Variants in LCMT1 observed in about 807,000 individuals in gnomAD.
LCMT1 encodes the protein leucine carboxyl methyltransferase 1, also known as [Phosphatase 2A protein]-leucine-carboxy methyltransferase 1.
In LCMT1, 32 loss-of-function variants were observed where a neutral mutation model predicts 47.7. The ratio of observed to expected loss-of-function variants is 0.67; its 90% CI spans 0.51 to 0.90. The LOEUF is 0.90. Ranked by LOEUF, LCMT1 falls within the 40% of genes least tolerant of loss-of-function variation. The pLI is 0.00. For synonymous variants in LCMT1, 152 were observed against 149.7 expected, an observed-to-expected ratio of 1.02 and a Z score of -0.11; for missense variants, 375 against 415.2, an observed-to-expected ratio of 0.90 and a Z score of 0.84.
chr16:25,112,545 G>T (rs966748450), intron 1 of LCMT1, among the ~76,000 whole-genome samples: 10 of 152,190 alleles, frequency 6.6e-5, no homozygotes, highest in Admixed American at 1.3e-4. Context: ...AGAGGTACGT[G>T]TCAGAGAAAG....
intron 8 of LCMT1, among the ~76,000 whole-genome samples, chr16:25,169,764 T>TA (rs1030260930): frequency 1.1e-4 from 17 of 152,116 alleles, no homozygotes; most frequent in African/African-American, 4.1e-4. Context: ...AACCTTTTTT[T>TA]TATAGTTGAT....
chr16:25,124,725 T>G (rs933258221), intron 1 of LCMT1, among the ~76,000 whole-genome samples: 1 of 152,348 alleles, frequency 6.6e-6, no homozygotes, highest in Non-Finnish European at 1.5e-5. Context: ...ATTGTTCCAG[T>G]TGACGCTCGT....
chr16:25,126,036 T>C (rs1204109879), intron 1 of LCMT1: 2 of 1,351,220 alleles, frequency 1.5e-6, no homozygotes, highest in Admixed American at 1.9e-5. Flanking sequence ...CTTTTCATCT[T>C]GGCCACTCTG....
At chr16:25,157,426 A>G (rs1161156788) in intron 5 of LCMT1, among the ~76,000 whole-genome samples, 1 of 151,964 alleles carries the variant, frequency 6.6e-6, no homozygotes, top group Non-Finnish European at 1.5e-5. Flanking sequence ...ATGGTGGTGC[A>G]CGTCTGTGGT....
chr16:25,143,460 C>T (rs1960756521), intron 4 of LCMT1: 1 of 152,174 alleles, frequency 6.6e-6, no homozygotes, highest in Non-Finnish European at 1.5e-5. Flanking sequence ...TGTTACCACT[C>T]TGAGGGGACT....
intron 7 of LCMT1, 103 bp downstream of exon 7, chr16:25,164,821 C>T: frequency 1.4e-6 from 2 of 1,466,700 alleles, no homozygotes; most frequent in Non-Finnish European, 1.9e-6. Context: ...TTCCTTCTGC[C>T]TCCAGCCTCT....
chr16:25,112,059 C>G (rs1290766307), intron 1 of LCMT1, 63 bp downstream of exon 1: 16 of 1,086,496 alleles, frequency 1.5e-5, no homozygotes, highest in African/African-American at 3.1e-5. Context: ...GGGAGGTGGG[C>G]CTGCATCTGA....
chr16:25,172,920 C>G (rs756065684), intron 9 of LCMT1, among the ~76,000 whole-genome samples: 28 of 152,230 alleles, frequency 1.8e-4, no homozygotes, highest in Admixed American at 6.5e-5. Context: ...TAGCATCAAC[C>G]ACAAGGAAAG....
chr16:25,130,983 T>C (rs1960335419), intron 2 of LCMT1, among the ~76,000 whole-genome samples: 4 of 152,222 alleles, frequency 2.6e-5, no homozygotes, highest in Non-Finnish European at 2.9e-5. Flanking sequence ...AGGGAAGAGA[T>C]GGAGAATTAC....
chr16:25,171,455 C>T (rs1454348033), intron 9 of LCMT1, among the ~76,000 whole-genome samples: 1 of 151,898 alleles, frequency 6.6e-6, no homozygotes, highest in Non-Finnish European at 1.5e-5. Context: ...CCCCAAAAAA[C>T]AAGACCCTAA....
At chr16:25,142,329 A>G (rs755116354) in intron 4 of LCMT1, 5 of 152,238 alleles carry the variant, frequency 3.3e-5, no homozygotes, top group African/African-American at 9.6e-5. Context: ...AGGCAGTCCA[A>G]CTTCTCTTTT....
At chr16:25,132,623 C>A in intron 3 of LCMT1, 100 bp downstream of exon 3, 3 of 1,327,148 alleles carry the variant, frequency 2.3e-6, no homozygotes, top group Non-Finnish European at 3.1e-6. Flanking sequence ...AGTTATGCAG[C>A]GAAAGCCTGT....
At chr16:25,169,355 G>A (rs1353241259) in intron 8 of LCMT1, 142 bp downstream of exon 8, 11 of 598,858 alleles carry the variant, frequency 1.8e-5, no homozygotes, top group African/African-American at 5.5e-5. Flanking sequence ...CATGTGGGCC[G>A]CTAGTTCATG....
chr16:25,129,014 T>C (rs1216166926), intron 2 of LCMT1, among the ~76,000 whole-genome samples: 2 of 144,286 alleles, frequency 1.4e-5, no homozygotes, highest in South Asian at 2.4e-4. Flanking sequence ...GTGTGTGATG[T>C]TCCCCTCTCT....
intron 2 of LCMT1, among the ~76,000 whole-genome samples, chr16:25,128,970 A>G (rs1960273730): frequency 6.9e-6 from 1 of 145,946 alleles, no homozygotes; most frequent in Admixed American, 7.0e-5. Context: ...GGGCTTAAAA[A>G]TCTAAATGAC....
intron 1 of LCMT1, among the ~76,000 whole-genome samples, chr16:25,117,223 G>T (rs1486311694): frequency 2.0e-5 from 3 of 152,146 alleles, no homozygotes; most frequent in Non-Finnish European, 4.4e-5. Flanking sequence ...GCCCTTGCTT[G>T]GCTCTCCTGA....
intron 4 of LCMT1, chr16:25,147,446 G>C (rs1161479549): frequency 6.6e-6 from 1 of 152,192 alleles, no homozygotes; most frequent in African/African-American, 2.4e-5. Flanking sequence ...CCTTCAGGAG[G>C]AACCTGGAAA....
rs192246215 is a variant in LCMT1, at chr16:25,164,435, G to A, written c.570-163G>A. Among the ~76,000 whole-genome samples, 150 of 152,182 alleles carry A rather than the reference G, an allele frequency of 9.9e-4. No individual in the cohort carries two copies. In the South Asian group the frequency reaches 0.029, roughly 30 times the overall value. ...CACAGTAGAAAGCTCGGATTGTGAC[G>A]GTATTCCACATGTATTCCTGTCCTG... On this transcript the variant is annotated intron_variant, in intron 6 of 10. Coordinates refer to ENST00000399069, the MANE Select transcript of LCMT1 (RefSeq NM_016309.3).
At chr16:25,138,577 C>T (rs1229014643) in intron 3 of LCMT1, among the ~76,000 whole-genome samples, 3 of 152,070 alleles carry the variant, frequency 2.0e-5, no homozygotes, top group Non-Finnish European at 4.4e-5. Flanking sequence ...TGTTTGACTG[C>T]AGGCCACAAG....
Sources: gnomAD v4.1 joint callset for allele counts (sites outside exome capture counted in the v4.1 genomes callset) on GRCh38, gnomAD v4.1.1 for gene constraint, MANE v1.5 for transcripts, NCBI Gene and HGNC (gene_info 2026-07-23, HGNC 2026-07-21) for gene names.